TULP4: variants seen among roughly 807,000 people sequenced by gnomAD.
The protein encoded by TULP4 is tubby-related protein 4.
Under a neutral mutation model 129.0 loss-of-function variants are expected in TULP4, and 16 were observed. The observed-to-expected ratio is 0.12, with a 90% CI of 0.08 to 0.19. The LOEUF is 0.19. Among genes scored for constraint, TULP4 ranks in the 10% least tolerant of loss-of-function variants. The pLI is 1.00. For synonymous variants in TULP4, 998 were observed against 854.0 expected (o/e 1.17, Z -2.94); for missense variants, 1,842 against 2,059.1 (o/e 0.89, Z 2.04).
At chr6:158,469,853 A>G (rs1166023246) in intron 6 of TULP4, among the ~76,000 whole-genome samples, 13 of 151,916 alleles carry the variant, frequency 8.6e-5, no homozygotes, top group African/African-American at 3.1e-4. Context: ...GAGGAATGTC[A>G]TAGAGAGCTG....
At chr6:158,365,899 CTTTTTTTTTT>C (rs5881257) in intron 1 of TULP4, among the ~76,000 whole-genome samples, 3 of 57,544 alleles carry the variant, frequency 5.2e-5, no homozygotes, top group African/African-American at 7.3e-5. Flanking sequence ...CTTTTTCTTT[CTTTTTTTTTT>C]TTTTTTTTTT....
chr6:158,344,590 A>T (rs1235157267), intron 1 of TULP4, among the ~76,000 whole-genome samples: 1 of 152,222 alleles, frequency 6.6e-6, no homozygotes, highest in Non-Finnish European at 1.5e-5. Flanking sequence ...TCAGGGTGAC[A>T]CAAACTGTGT....
At chr6:158,481,539 G>A in intron 8 of TULP4, 1 of 549,876 alleles carries the variant, frequency 1.8e-6, no homozygotes, top group South Asian at 2.1e-5. Flanking sequence ...AGATGAACCA[G>A]GCAAGGGGAA....
chr6:158,476,313 CT>C (rs1369846521), intron 6 of TULP4, among the ~76,000 whole-genome samples: 1 of 152,186 alleles, frequency 6.6e-6, no homozygotes, highest in African/African-American at 2.4e-5. Flanking sequence ...TGTTGGTGTT[CT>C]TGTCCCATTC....
intron 3 of TULP4, among the ~76,000 whole-genome samples, chr6:158,434,734 G>T (rs951584156): frequency 3.9e-5 from 6 of 152,174 alleles, no homozygotes; most frequent in Non-Finnish European, 8.8e-5. Flanking sequence ...CATGAAAAAG[G>T]TTGACATGCT....
chr6:158,481,448 T>G, intron 8 of TULP4, 159 bp downstream of exon 8: 1 of 688,980 alleles, frequency 1.5e-6, no homozygotes, highest in Non-Finnish European at 2.6e-6. Flanking sequence ...AGAATCCCAT[T>G]GAAATGAACA....
chr6:158,461,877 T>A (rs1479214302), intron 6 of TULP4, 148 bp downstream of exon 6: 1 of 953,884 alleles, frequency 1.0e-6, no homozygotes, highest in Non-Finnish European at 1.5e-6. Flanking sequence ...AAAGCAGTTT[T>A]TGCCTTTTAA....
chr6:158,271,931 A>G (rs1279776906), intron 1 of TULP4, among the ~76,000 whole-genome samples: 1 of 152,270 alleles, frequency 6.6e-6, no homozygotes, highest in Non-Finnish European at 1.5e-5. Context: ...AGTCATTGAA[A>G]GGACTCACTG....
intron 1 of TULP4, among the ~76,000 whole-genome samples, chr6:158,288,468 C>T (rs1410404030): frequency 6.6e-6 from 1 of 151,144 alleles, no homozygotes; most frequent in Non-Finnish European, 1.5e-5. Context: ...AGGAAATTCT[C>T]TTCCTAATTT....
intron 1 of TULP4, among the ~76,000 whole-genome samples, chr6:158,330,104 C>T (rs976574606): frequency 6.6e-6 from 1 of 150,574 alleles, no homozygotes; most frequent in East Asian, 2.0e-4. Flanking sequence ...AGCATGTAAT[C>T]GATATACAAA....
intron 2 of TULP4, among the ~76,000 whole-genome samples, chr6:158,421,395 A>G (rs1227236576): frequency 7.3e-6 from 1 of 137,706 alleles, no homozygotes; most frequent in African/African-American, 2.5e-5. Flanking sequence ...GGTTTGGTCC[A>G]GAAAGGCAGA....
chr6:158,329,903 A>G (rs1779836703), intron 1 of TULP4, among the ~76,000 whole-genome samples: 1 of 152,170 alleles, frequency 6.6e-6, no homozygotes, highest in Admixed American at 6.5e-5. Context: ...TAGTAATGAA[A>G]CACTTGTTTA....
chr6:158,292,500 A>G (rs1778961530), intron 1 of TULP4, among the ~76,000 whole-genome samples: 1 of 152,082 alleles, frequency 6.6e-6, no homozygotes, highest in Non-Finnish European at 1.5e-5. Context: ...ATTTGTTGTA[A>G]TTTACTCAAG....
At chr6:158,288,776 A>G (rs1016752444) in intron 1 of TULP4, among the ~76,000 whole-genome samples, 9 of 152,230 alleles carry the variant, frequency 5.9e-5, no homozygotes, top group Non-Finnish European at 8.8e-5. Context: ...CTGGGATTAC[A>G]GGCGTGAGCC....
At chr6:158,273,144 A>T (rs756897571) in intron 1 of TULP4, among the ~76,000 whole-genome samples, 1 of 152,230 alleles carries the variant, frequency 6.6e-6, no homozygotes, top group Non-Finnish European at 1.5e-5. Context: ...CAGTGTTGCC[A>T]GTGAAAGTTA....
intron 5 of TULP4, among the ~76,000 whole-genome samples, chr6:158,457,676 C>T (rs1779323628): frequency 6.6e-6 from 1 of 152,192 alleles, no homozygotes; most frequent in African/African-American, 2.4e-5. Flanking sequence ...CATTTCATCC[C>T]ACACTTGCCT....
intron 2 of TULP4, among the ~76,000 whole-genome samples, chr6:158,420,457 G>A (rs1314968247): frequency 6.6e-6 from 1 of 152,168 alleles, no homozygotes; most frequent in Non-Finnish European, 1.5e-5. Flanking sequence ...TAATAACGAC[G>A]AGATAAGAGA....
At chr6:158,416,547 T>C (rs187705476) in intron 2 of TULP4, among the ~76,000 whole-genome samples, 370 of 152,332 alleles carry the variant, frequency 2.4e-3, no homozygotes, top group African/African-American at 8.6e-3. Flanking sequence ...TTAAGTGTTA[T>C]TACAAAAGGA....
intron 1 of TULP4, among the ~76,000 whole-genome samples, chr6:158,332,662 C>G (rs1276071231): frequency 6.6e-6 from 1 of 152,140 alleles, no homozygotes; most frequent in East Asian, 1.9e-4. Context: ...TGTCACTAGG[C>G]CAAAGCTGTA....
Sources: gnomAD v4.1 joint callset for allele counts (sites outside exome capture counted in the v4.1 genomes callset) on GRCh38, gnomAD v4.1.1 for gene constraint, MANE v1.5 for transcripts, NCBI Gene and HGNC (gene_info 2026-07-23, HGNC 2026-07-21) for gene names.